Variants in HDAC6 observed in about 807,000 individuals in gnomAD.
The protein encoded by HDAC6 is histone deacetylase 6.
A neutral mutation model predicts 88.9 loss-of-function variants in HDAC6; 5 were observed. The observed-to-expected ratio is 0.06, with a 90% CI of 0.03 to 0.12. The LOEUF (loss-of-function observed/expected upper bound fraction) is 0.12, where lower values mean the gene tolerates loss of function less well. Among genes scored for constraint, HDAC6 ranks in the 10% least tolerant of loss-of-function variants. HDAC6 has a pLI of 1.00. For synonymous variants in HDAC6, 378 were observed against 398.0 expected (o/e 0.95, Z 0.60); for missense variants, 706 against 1,014.4 (o/e 0.70, Z 4.13).
In HDAC6 at chrX:48,822,766, C is replaced by T. The variant is rs2063104046; in HGVS notation, c.2484C>T (p.Arg828=). Residue 828 remains arginine, a synonymous_variant, in exon 24 of 29, where the codon CGC becomes CGT. Coordinates refer to ENST00000334136, the MANE Select transcript of HDAC6 (RefSeq NM_006044.4). ...ASITETIQVH[R]RYWRSLRVMK... ...TCACTGAGACCATCCAAGTCCATCGCAGATACTGGCGCAGCTTACGGGTCA... is the reference window on the plus strand; with the variant it reads ...TCACTGAGACCATCCAAGTCCATCGTAGATACTGGCGCAGCTTACGGGTCA... 2 of 1,202,240 alleles carry T rather than the reference C, an allele frequency of 1.7e-6. No individual in the cohort carries two copies. Among genetic ancestry groups the T allele is most frequent in the African/African-American group, 3.5e-5 (2 of 56,683 alleles).
intron 4 of HDAC6, chrX:48,803,474 G>C: frequency 2.8e-6 from 1 of 363,198 alleles, no homozygotes. Flanking sequence ...TTGATGAGTA[G>C]GAGGGCAGAT....
chrX:48,802,013 G>C, upstream of HDAC6: 3 of 951,173 alleles, frequency 3.2e-6, no homozygotes, highest in Non-Finnish European at 4.0e-6. Context: ...CTAGGGACTG[G>C]CTGAAGAGGG....
At chrX:48,808,419 T>C in intron 10 of HDAC6, 93 bp downstream of exon 10, 1 of 567,858 alleles carries the variant, frequency 1.8e-6, no homozygotes, top group Non-Finnish European at 2.9e-6. Flanking sequence ...GGAAAAGGCA[T>C]TCACATTCAT....
rs781805756 is a variant in HDAC6 at position 48,807,908 on chromosome X, G to A, written c.633-125G>A. 28 of 492,808 alleles carry A rather than the reference G, an allele frequency of 5.7e-5. No individual in the cohort carries two copies. The South Asian group carries it at 7.7e-4, about 14-fold the overall frequency. 40.6% of individuals were successfully genotyped at this position (492,808 alleles called of 1,213,427 possible). ...TGAGGGCCTCCATTACTCAGTTCCC[G>A]GCAGATTTTTAGGCATCAGCATTAA... On this transcript the variant is annotated intron_variant, in intron 8 of 28. Transcript: ENST00000334136.
intron 22 of HDAC6, among the ~76,000 whole-genome samples, chrX:48,819,201 G>A (rs1157011047): frequency 2.7e-5 from 3 of 112,415 alleles, no homozygotes; most frequent in African/African-American, 9.7e-5. Flanking sequence ...GCATGTGTAT[G>A]TGACTGTGCA....
chrX:48,817,177 G>A, intron 19 of HDAC6, 149 bp from the exon 20 acceptor site: 1 of 610,240 alleles, frequency 1.6e-6, no homozygotes, highest in Non-Finnish European at 2.3e-6. Context: ...GCGGGAACCT[G>A]GCAGGCGGCG....
Position 48,806,365 on chromosome X carries a change from T to A in HDAC6, c.438-3T>A. 1 of 1,149,918 alleles carries A rather than the reference T, an allele frequency of 8.7e-7. No homozygotes were observed. Among genetic ancestry groups the A allele is most frequent in the Non-Finnish European group, 1.2e-6 (1 of 839,168 alleles). The allele number at this position is 1,149,918 out of a possible 1,213,427, so 94.8% of individuals were successfully genotyped here. ...CTGAATCTCATCTCCCATCTGTGTCTAGCCTAGAATATATTGATCTGATGG... is the reference window on the plus strand; with the variant it reads ...CTGAATCTCATCTCCCATCTGTGTCAAGCCTAGAATATATTGATCTGATGG... On this transcript the variant is annotated splice_polypyrimidine_tract_variant and splice_region_variant and intron_variant, in intron 6 of 28. Coordinates refer to ENST00000334136, the MANE Select transcript of HDAC6 (RefSeq NM_006044.4).
At position 48,823,805 on chromosome X, in the gene HDAC6, G is replaced by A. The variant is rs200470948; in HGVS notation, c.3303+20G>A. Reference sequence around the variant, plus strand: ...GATCAGGTGAGCTCAGGGAGAGGCTGGGACTGTGGCTTCCTTCTCTTGCCA... The same window carrying A: ...GATCAGGTGAGCTCAGGGAGAGGCTAGGACTGTGGCTTCCTTCTCTTGCCA... On this transcript the variant is annotated intron_variant, in intron 26 of 28. Transcript: ENST00000334136. 8.4e-7 allele frequency: 1 copy of A among 1,190,357 alleles called. No individual in the cohort carries two copies. Among genetic ancestry groups the A allele is most frequent in the East Asian group, 3.0e-5 (1 of 33,608 alleles).
intron 23 of HDAC6, 121 bp downstream of exon 23, chrX:48,820,376 T>C: frequency 3.4e-6 from 2 of 582,583 alleles, no homozygotes; most frequent in East Asian, 3.6e-5. Context: ...TGTTGGCACA[T>C]ACTGGGTAGT....
In HDAC6 at chrX:48,806,937, G is replaced by T. The variant is rs782495342; in HGVS notation, c.632+231G>T. ...TGTCCTCCCACAAAGTCTTATTCAA[G>T]AAATAAATACCATATTTCATTGATT... On this transcript the variant is annotated intron_variant, in intron 8 of 28. Coordinates refer to ENST00000334136, the MANE Select transcript of HDAC6 (RefSeq NM_006044.4). 3 of 286,995 alleles carry T rather than the reference G, an allele frequency of 1.0e-5. No homozygotes were observed. The East Asian group carries it at 1.6e-4, about 15-fold the overall frequency. The allele number at this position is 286,995 out of a possible 1,213,427, so 23.7% of individuals were successfully genotyped here.
chrX:48,802,053 C>CA, upstream of HDAC6: 1 of 917,843 alleles, frequency 1.1e-6, no homozygotes, highest in Non-Finnish European at 1.4e-6. Context: ...CGGGTCTGGG[C>CA]AGGGGGTGGA....
upstream of HDAC6, chrX:48,801,540 C>T: frequency 5.1e-6 from 1 of 195,433 alleles, no homozygotes; most frequent in Non-Finnish European, 9.6e-6. Flanking sequence ...GCGGCTATGG[C>T]ATCCGGGACG....
chrX:48,824,502 CCTCA>C (rs1472411477), intron 28 of HDAC6, 38 bp from the exon 29 acceptor site: 4 of 1,148,437 alleles, frequency 3.5e-6, no homozygotes, highest in East Asian at 3.0e-5. Flanking sequence ...GTAGAGGGGT[CCTCA>C]CTCTCTCTCA....
At chrX:48,814,648 T>C in intron 11 of HDAC6, 27 bp from the exon 12 acceptor site, 1 of 1,206,145 alleles carries the variant, frequency 8.3e-7, no homozygotes, top group Non-Finnish European at 1.1e-6. Context: ...TGGCTGAACA[T>C]CCCCCATCAC....
At position 48,816,036 on chromosome X, in the gene HDAC6, T is replaced by C; in HGVS notation, c.1477T>C (p.Cys493Arg). The C allele has an allele frequency of 8.3e-7, 1 of 1,211,594 alleles. No homozygotes were observed. The highest frequency in any genetic ancestry group is 1.1e-6 in the Non-Finnish European group (1 of 895,289). ...LVYDQNMMNHCNLWDSHHPEV... is the reference protein window; with the variant it reads ...LVYDQNMMNHRNLWDSHHPEV... ...CTATGACCAAAATATGATGAATCAC[T>C]GCAACTTGTGGGACAGGTAGGCATT... Residue 493 changes from cysteine (C) to arginine (R), a missense_variant, in exon 17 of 29, where the codon TGC becomes CGC. Coordinates refer to ENST00000334136, the MANE Select transcript of HDAC6 (RefSeq NM_006044.4).
In HDAC6 at chrX:48,823,764, A is replaced by G; in HGVS notation, c.3282A>G (p.Gly1094=). ...QDMADSMLMQ[G]SRGLTDQAIF... ...TGGCTGATTCGATGCTGATGCAGGG[A>G]TCTAGGGGCCTCACTGATCAGGTGA... Residue 1094 remains glycine, a synonymous_variant, in exon 26 of 29, where the codon GGA becomes GGG. Transcript: ENST00000334136. The G allele has an allele frequency of 8.3e-7, 1 of 1,207,898 alleles. No homozygotes were observed. Among genetic ancestry groups the G allele is most frequent in the South Asian group, 1.8e-5 (1 of 56,688 alleles).
chrX:48,803,222 G>A lies in HDAC6; in HGVS notation c.311+6G>A, dbSNP rs782351313. On this transcript the variant is annotated splice_donor_region_variant and intron_variant, in intron 4 of 28. Coordinates refer to ENST00000334136, the MANE Select transcript of HDAC6 (RefSeq NM_006044.4). ...CATTGCCTCTGGGATGACAGGTGAG[G>A]CTGGGTCCTCCAGGCTGTCTCCAAA... The A allele has an allele frequency of 8.4e-7, 1 of 1,185,951 alleles. No homozygotes were observed. Among genetic ancestry groups the A allele is most frequent in the Non-Finnish European group, 1.1e-6 (1 of 873,049 alleles).
upstream of HDAC6, chrX:48,801,764 C>G: frequency 1.3e-6 from 1 of 792,752 alleles, no homozygotes; most frequent in Non-Finnish European, 1.6e-6. Flanking sequence ...GTGGCTCGCG[C>G]GAGGGGCGCG....
intron 8 of HDAC6, among the ~76,000 whole-genome samples, chrX:48,807,625 G>A (rs1306338235): frequency 8.9e-6 from 1 of 111,916 alleles, no homozygotes; most frequent in African/African-American, 3.2e-5. Context: ...TGATTCTCCT[G>A]CCTCAGCCTC....
Sources: allele counts gnomAD v4.1 joint callset (sites outside exome capture counted in the v4.1 genomes callset), GRCh38; gene constraint gnomAD v4.1.1; transcripts MANE v1.5; gene names NCBI Gene and HGNC (gene_info 2026-07-23, HGNC 2026-07-21).